REEP1: variants seen among roughly 807,000 people sequenced by gnomAD.
The protein encoded by REEP1 is receptor expression-enhancing protein 1.
In REEP1, 22 loss-of-function variants were observed where a neutral mutation model predicts 40.3. The observed-to-expected ratio is 0.55, with a 90% CI of 0.39 to 0.78. The LOEUF (loss-of-function observed/expected upper bound fraction) is 0.78. Ranked by LOEUF, REEP1 falls within the 30% of genes least tolerant of loss-of-function variation. The pLI is 0.00. For missense variants in REEP1, 280 were observed against 361.1 expected (o/e 0.78, Z 1.82); for synonymous variants, 116 against 139.2 (o/e 0.83, Z 1.17).
chr2:86,331,624 G>C (rs80252539), intron 1 of REEP1, among the ~76,000 whole-genome samples: 4,599 of 152,256 alleles, frequency 0.03, 119 homozygotes, highest in East Asian at 0.072. Context: ...CAGCTACCTA[G>C]AGTGGGAACA....
chr2:86,224,735 A>G (rs1674598222), intron 7 of REEP1, among the ~76,000 whole-genome samples: 1 of 152,230 alleles, frequency 6.6e-6, no homozygotes, highest in Non-Finnish European at 1.5e-5. Context: ...TTGGACACTG[A>G]ATCCTGGACA....
chr2:86,304,466 C>T (rs1421068597), intron 1 of REEP1, among the ~76,000 whole-genome samples: 1 of 152,174 alleles, frequency 6.6e-6, no homozygotes, highest in African/African-American at 2.4e-5. Context: ...TATCTACCTA[C>T]CCCCTAAAAG....
chr2:86,296,693 C>T (rs1437502313), intron 1 of REEP1, among the ~76,000 whole-genome samples: 1 of 152,024 alleles, frequency 6.6e-6, no homozygotes, highest in Non-Finnish European at 1.5e-5. Context: ...CCTGTCTTTA[C>T]TAAAAATACA....
At chr2:86,302,418 G>A (rs778221604) in intron 1 of REEP1, among the ~76,000 whole-genome samples, 7 of 152,196 alleles carry the variant, frequency 4.6e-5, no homozygotes, top group Non-Finnish European at 1.0e-4. Flanking sequence ...CAAAAACTGA[G>A]GATGAGAGTA....
chr2:86,263,672 G>A (rs1018560830), intron 3 of REEP1, among the ~76,000 whole-genome samples: 1 of 152,088 alleles, frequency 6.6e-6, no homozygotes, highest in Non-Finnish European at 1.5e-5. Flanking sequence ...CTTTTTTAAC[G>A]TACGAATGCT....
intron 6 of REEP1, among the ~76,000 whole-genome samples, chr2:86,228,334 C>G (rs1294332436): frequency 6.6e-6 from 1 of 152,074 alleles, no homozygotes; most frequent in Non-Finnish European, 1.5e-5. Flanking sequence ...GTCTTTGTGC[C>G]CCTTCCTCCC....
At chr2:86,278,932 G>GT (rs1431348525) in intron 2 of REEP1, among the ~76,000 whole-genome samples, 7 of 152,214 alleles carry the variant, frequency 4.6e-5, no homozygotes, top group African/African-American at 1.4e-4. Flanking sequence ...TCCAGGTACA[G>GT]TAAGTTTGGT....
intron 1 of REEP1, among the ~76,000 whole-genome samples, chr2:86,321,540 TA>T (rs1273951008): frequency 1.3e-5 from 2 of 151,976 alleles, no homozygotes; most frequent in Admixed American, 6.6e-5. Context: ...AAACATAGCT[TA>T]AAAAAAATCC....
At chr2:86,222,564 A>G (rs888838304) in intron 7 of REEP1, among the ~76,000 whole-genome samples, 1 of 152,210 alleles carries the variant, frequency 6.6e-6, no homozygotes, top group African/African-American at 2.4e-5. Context: ...GCTGTTGCAC[A>G]GTGGACTGAA....
intron 5 of REEP1, among the ~76,000 whole-genome samples, chr2:86,237,402 C>T (rs4832258): frequency 0.87 from 132,575 of 152,266 alleles, 58,292 homozygotes; most frequent in East Asian, 0.98. Flanking sequence ...ACTGACACGC[C>T]GAGCTGAAAA....
intron 2 of REEP1, among the ~76,000 whole-genome samples, chr2:86,265,355 A>G (rs1677077559): frequency 6.6e-6 from 1 of 152,182 alleles, no homozygotes; most frequent in African/African-American, 2.4e-5. Context: ...TAAAAATTAC[A>G]TCCTAACACT....
intron 1 of REEP1, 92 bp from the exon 2 acceptor site, chr2:86,282,334 A>C: frequency 3.1e-6 from 3 of 958,868 alleles, no homozygotes; most frequent in Non-Finnish European, 1.7e-6. Flanking sequence ...CAACTCTCTA[A>C]GCTACAGAAA....
intron 7 of REEP1, among the ~76,000 whole-genome samples, chr2:86,226,457 C>CTTTT (rs1558870431): frequency 2.5e-5 from 1 of 39,814 alleles, no homozygotes; most frequent in Admixed American, 3.3e-4. Context: ...CCTGTTGTGG[C>CTTTT]TTTTTCTTTT....
At chr2:86,238,437 A>C (rs1232325211) in intron 5 of REEP1, among the ~76,000 whole-genome samples, 3 of 152,150 alleles carry the variant, frequency 2.0e-5, no homozygotes, top group African/African-American at 7.2e-5. Context: ...ATGATATTTA[A>C]ATATTGCTAT....
At chr2:86,285,660 T>G (rs981240387) in intron 1 of REEP1, among the ~76,000 whole-genome samples, 7 of 152,222 alleles carry the variant, frequency 4.6e-5, no homozygotes, top group African/African-American at 1.7e-4. Context: ...CGGGGCTGCC[T>G]GTGCTGGCTG....
intron 1 of REEP1, among the ~76,000 whole-genome samples, chr2:86,315,085 C>G (rs1435841525): frequency 6.6e-6 from 1 of 152,040 alleles, no homozygotes; most frequent in Non-Finnish European, 1.5e-5. Context: ...CTGCAGGGCC[C>G]TTGAGACCCT....
At chr2:86,258,919 AG>A (rs1256358658) in intron 3 of REEP1, among the ~76,000 whole-genome samples, 1 of 152,190 alleles carries the variant, frequency 6.6e-6, no homozygotes, top group African/African-American at 2.4e-5. Flanking sequence ...GTGTTCTAAG[AG>A]GGTTAGACAT....
chr2:86,323,890 G>A (rs1405039583), intron 1 of REEP1, among the ~76,000 whole-genome samples: 3 of 152,152 alleles, frequency 2.0e-5, no homozygotes, highest in Middle Eastern at 3.2e-3. Flanking sequence ...ACAGGGCAGG[G>A]CACTGCAGGT....
intron 5 of REEP1, among the ~76,000 whole-genome samples, chr2:86,249,682 C>G (rs1676162449): frequency 6.6e-6 from 1 of 152,074 alleles, no homozygotes; most frequent in Non-Finnish European, 1.5e-5. Flanking sequence ...TTTGGACCCA[C>G]TGGTGAGTCA....
Sources: allele counts gnomAD v4.1 joint callset (sites outside exome capture counted in the v4.1 genomes callset), GRCh38; gene constraint gnomAD v4.1.1; transcripts MANE v1.5; gene names NCBI Gene and HGNC (gene_info 2026-07-23, HGNC 2026-07-21).